The following CLMP variants were observed in gnomAD, a reference collection of about 807,000 sequenced individuals.
CLMP encodes the protein CXADR-like membrane protein.
A neutral mutation model predicts 45.2 loss-of-function variants in CLMP; 27 were observed. That is an observed-to-expected ratio of 0.60 (90% CI 0.44 to 0.82). CLMP has a LOEUF of 0.82. Among genes scored for constraint, CLMP ranks in the 40% least tolerant of loss-of-function variants. The pLI, the probability that CLMP is intolerant of heterozygous loss-of-function variation, is 0.00. For synonymous variants in CLMP, 167 were observed against 171.4 expected, an observed-to-expected ratio of 0.97 and a Z score of 0.20; for missense variants, 403 against 448.4, an observed-to-expected ratio of 0.90 and a Z score of 0.91.
At chr11:123,172,002 C>A (rs1049109643) in intron 1 of CLMP, among the ~76,000 whole-genome samples, 8 of 151,856 alleles carry the variant, frequency 5.3e-5, no homozygotes, top group Admixed American at 1.3e-4. Context: ...TTTTACTATA[C>A]TGTATATACA....
At chr11:123,091,237 T>C (rs1865929014) in intron 2 of CLMP, among the ~76,000 whole-genome samples, 1 of 152,186 alleles carries the variant, frequency 6.6e-6, no homozygotes, top group African/African-American at 2.4e-5. Context: ...CCCGTGTAGC[T>C]GGGACCACAG....
rs2135556876 is a variant in CLMP at position 123,194,832 on chromosome 11, G to T, written c.28+81C>A. ...ACTCCAGGGGCTGCAGGGACACCCGGTCAGAACCGGCGTCTTTCCCGGACG... is the reference window on the plus strand; with the variant it reads ...ACTCCAGGGGCTGCAGGGACACCCGTTCAGAACCGGCGTCTTTCCCGGACG... On this transcript the variant is annotated intron_variant, in intron 1 of 6. Coordinates refer to ENST00000448775, the MANE Select transcript of CLMP (RefSeq NM_024769.5). The T allele has an allele frequency of 6.4e-6, 10 of 1,561,698 alleles. No homozygotes were observed. In the South Asian group the frequency reaches 1.1e-4, roughly 18 times the overall value.
At position 123,083,801 on chromosome 11, in the gene CLMP, T is replaced by C; in HGVS notation, c.435A>G (p.Glu145=). The change falls in exon 4 of 7, where the codon GAA becomes GAG. Residue 145 remains glutamate, a synonymous_variant. Coordinates refer to ENST00000448775, the MANE Select transcript of CLMP (RefSeq NM_024769.5). ...CACACTGCAAAGTCAGGTCACTTCC[T>C]TCTGTCAGCTCTCCTTCCAACTCAC... The part of the protein sequence containing the change: ...PKCELEGELT[E]GSDLTLQCES... 6.2e-6 allele frequency: 10 copies of C among 1,613,814 alleles called. No individual in the cohort carries two copies. Among genetic ancestry groups the C allele is most frequent in the Non-Finnish European group, 7.6e-6 (9 of 1,180,026 alleles).
At chr11:123,150,480 A>AAAGAAAGGAAGAAAGGAAGG (rs764502298) in intron 1 of CLMP, among the ~76,000 whole-genome samples, 4 of 40,962 alleles carry the variant, frequency 9.8e-5, no homozygotes, top group Non-Finnish European at 1.9e-4. Context: ...AGAAAGAAAG[A>AAAGAAAGGAAGAAAGGAAGG]AAGGAAGGAA....
intron 1 of CLMP, among the ~76,000 whole-genome samples, chr11:123,149,278 C>T (rs1861279467): frequency 6.6e-6 from 1 of 152,194 alleles, no homozygotes; most frequent in Non-Finnish European, 1.5e-5. Context: ...ACCTTGATTT[C>T]AGATGTCTGG....
intron 1 of CLMP, among the ~76,000 whole-genome samples, chr11:123,138,354 G>C (rs1274594481): frequency 6.6e-6 from 1 of 151,960 alleles, no homozygotes; most frequent in Non-Finnish European, 1.5e-5. Flanking sequence ...ATTTTATGAA[G>C]ATCCTTCTGG....
intron 1 of CLMP, among the ~76,000 whole-genome samples, chr11:123,132,169 T>C (rs1033416704): frequency 4.6e-5 from 7 of 152,006 alleles, no homozygotes; most frequent in African/African-American, 1.4e-4. Flanking sequence ...ACAAATAGCA[T>C]TTTTTTTCTT....
At chr11:123,104,496 TGCCTCA>T (rs1439131560) in intron 1 of CLMP, among the ~76,000 whole-genome samples, 1 of 151,862 alleles carries the variant, frequency 6.6e-6, no homozygotes, top group Admixed American at 6.6e-5. Context: ...ACGATTCTCC[TGCCTCA>T]GCCTTTCAAG....
intron 1 of CLMP, among the ~76,000 whole-genome samples, chr11:123,179,210 T>C (rs747512391): frequency 4.6e-5 from 7 of 152,214 alleles, no homozygotes; most frequent in Non-Finnish European, 8.8e-5. Context: ...AAACTCCAGT[T>C]CAGAGGAGAA....
In CLMP at chr11:123,083,702, A is replaced by T; in HGVS notation, c.534T>A (p.Arg178=). Residue 178 remains arginine (R), a synonymous_variant, in exon 4 of 7, where the codon CGT becomes CGA. Coordinates refer to ENST00000448775, the MANE Select transcript of CLMP (RefSeq NM_024769.5). ...RIREKEGEDE[R]LPPKSRIDYN... is the part of the protein sequence containing the mutation. ...TACCAATCCTAGATTTGGGAGGCAG[A>T]CGTTCATCCTCTCCCTCTTTCTCTC... 1 of 1,614,120 alleles carries T rather than the reference A, an allele frequency of 6.2e-7. No individual in the cohort carries two copies. Among genetic ancestry groups the T allele is most frequent in the Non-Finnish European group, 8.5e-7 (1 of 1,180,032 alleles).
chr11:123,100,493 G>A (rs1866043372), intron 1 of CLMP, among the ~76,000 whole-genome samples: 1 of 152,100 alleles, frequency 6.6e-6, no homozygotes, highest in South Asian at 2.1e-4. Context: ...ATTTGGGGGT[G>A]AGCTGGGGAG....
intron 1 of CLMP, among the ~76,000 whole-genome samples, chr11:123,149,983 T>G (rs1411719671): frequency 6.6e-6 from 1 of 151,802 alleles, no homozygotes; most frequent in African/African-American, 2.4e-5. Context: ...TTTTGTATTT[T>G]TGGTAGAGAT....
At chr11:123,126,008 C>A (rs1239595033) in intron 1 of CLMP, among the ~76,000 whole-genome samples, 5 of 152,180 alleles carry the variant, frequency 3.3e-5, no homozygotes, top group Non-Finnish European at 7.3e-5. Context: ...AACTTCTTAG[C>A]CACACCCACC....
chr11:123,169,334 G>A (rs1021416555), intron 1 of CLMP, among the ~76,000 whole-genome samples: 1 of 152,224 alleles, frequency 6.6e-6, no homozygotes, highest in Admixed American at 6.5e-5. Context: ...AGTCTTCTTT[G>A]TCTGCAAGGC....
At chr11:123,085,343 G>A (rs941039667) in intron 2 of CLMP, among the ~76,000 whole-genome samples, 1 of 152,002 alleles carries the variant, frequency 6.6e-6, no homozygotes, top group African/African-American at 2.4e-5. Flanking sequence ...CCGCTTCCTG[G>A]GTTCAAGCAG....
At chr11:123,136,911 A>G (rs1013941001) in intron 1 of CLMP, among the ~76,000 whole-genome samples, 1 of 152,022 alleles carries the variant, frequency 6.6e-6, no homozygotes, top group Admixed American at 6.6e-5. Flanking sequence ...TTTACCAAAA[A>G]TGGAATCTTA....
intron 2 of CLMP, among the ~76,000 whole-genome samples, chr11:123,085,045 A>G (rs1865846790): frequency 6.6e-6 from 1 of 152,184 alleles, no homozygotes; most frequent in African/African-American, 2.4e-5. Context: ...AAGTCAAGGA[A>G]AGGAGGAAAC....
In CLMP at chr11:123,134,506, TG is replaced by T. The variant is rs566048499; in HGVS notation, c.29-36555del. ...GGGGTTTTTAAGCAAGGGCATTTCA[TG>T]TTCAAATTTGCACTCTAGACTGGGC... is the stretch of plus-strand genomic sequence containing the variant. On this transcript the variant is annotated intron_variant, in intron 1 of 6. Coordinates refer to ENST00000448775, the MANE Select transcript of CLMP (RefSeq NM_024769.5). 1.5e-3 allele frequency among the ~76,000 whole-genome samples: 231 copies of T among 151,678 alleles called. 2 individuals carry two copies. The highest frequency in any genetic ancestry group is 4.8e-3 in the South Asian group (23 of 4,780).
intron 1 of CLMP, among the ~76,000 whole-genome samples, chr11:123,189,363 C>T (rs1000050730): frequency 1.3e-5 from 2 of 152,190 alleles, no homozygotes; most frequent in African/African-American, 4.8e-5. Flanking sequence ...CAGCTGTTTA[C>T]TCGCAGTGTA....
Sources: allele counts gnomAD v4.1 joint callset (sites outside exome capture counted in the v4.1 genomes callset), GRCh38; gene constraint gnomAD v4.1.1; transcripts MANE v1.5; gene names NCBI Gene and HGNC (gene_info 2026-07-23, HGNC 2026-07-21).